The following KLRG1 variants were observed in gnomAD, a reference collection of about 807,000 sequenced individuals.
KLRG1 encodes the protein killer cell lectin-like receptor subfamily G member 1.
In KLRG1, 16 loss-of-function variants were observed where a neutral mutation model predicts 21.8. The ratio of observed to expected loss-of-function variants is 0.73; its 90% CI spans 0.50 to 1.11. The LOEUF (loss-of-function observed/expected upper bound fraction) is 1.11, where lower values mean the gene tolerates loss of function less well. Ranked by LOEUF, KLRG1 falls within the 50% of genes most tolerant of loss-of-function variation. The pLI, the probability that KLRG1 is intolerant of heterozygous loss-of-function variation, is 0.00. For synonymous variants in KLRG1, 69 were observed against 75.9 expected (o/e 0.91, Z 0.47); for missense variants, 173 against 218.3 (o/e 0.79, Z 1.31).
chr12:9,108,301 AT>A, the KLRG1 span, among the ~76,000 whole-genome samples: 13 of 151,476 alleles, frequency 8.6e-5, no homozygotes, highest in African/African-American at 2.4e-4. Flanking sequence ...AATTTTTTGT[AT>A]TTTTTAGTAG....
chr12:9,041,003 G>A, the KLRG1 span, among the ~76,000 whole-genome samples: 1 of 152,200 alleles, frequency 6.6e-6, no homozygotes, highest in Non-Finnish European at 1.5e-5. Context: ...TTCCAAAGAT[G>A]CACATCACTG....
chr12:9,050,173 T>C, the KLRG1 span, among the ~76,000 whole-genome samples: 1 of 152,318 alleles, frequency 6.6e-6, no homozygotes, highest in South Asian at 2.1e-4. Flanking sequence ...GTGCAAAGCA[T>C]TTTGGCTCTC....
the KLRG1 span, chr12:9,104,280 T>C: frequency 1.4e-5 from 22 of 1,613,086 alleles, no homozygotes; most frequent in Admixed American, 3.3e-5. Flanking sequence ...GTGGTGTTGA[T>C]AGAGAACTGT....
chr12:9,049,108 C>T, the KLRG1 span, among the ~76,000 whole-genome samples: 1 of 152,212 alleles, frequency 6.6e-6, no homozygotes, highest in Non-Finnish European at 1.5e-5. Context: ...AGAGAAAGGT[C>T]AGTGAGTCCC....
At chr12:9,024,021 T>A in the KLRG1 span, among the ~76,000 whole-genome samples, 2 of 57,478 alleles carry the variant, frequency 3.5e-5, no homozygotes, top group Non-Finnish European at 3.8e-5. Context: ...CACATGGATT[T>A]TTTTTTTTTT....
At chr12:9,001,152 C>T (rs1382481939) in intron 3 of KLRG1, among the ~76,000 whole-genome samples, 2 of 152,066 alleles carry the variant, frequency 1.3e-5, no homozygotes, top group African/African-American at 4.8e-5. Context: ...TTTACTCAAT[C>T]TTGAGACATG....
the KLRG1 span, among the ~76,000 whole-genome samples, chr12:9,121,552 C>CA: frequency 1.3e-5 from 2 of 151,892 alleles, no homozygotes; most frequent in Non-Finnish European, 2.9e-5. The surrounding 1 kb of genome is among the most constrained non-coding windows in gnomAD (Gnocchi z 4.4). Flanking sequence ...AACAAACAAA[C>CA]AAAAAAACAA....
the KLRG1 span, chr12:9,152,145 A>G: frequency 9.3e-7 from 1 of 1,077,698 alleles, no homozygotes; most frequent in South Asian, 1.3e-5. Flanking sequence ...CATGGTTTTG[A>G]TATTGGTATG....
At chr12:8,962,600 C>T (rs1253896465) in intron 1 of KLRG1, among the ~76,000 whole-genome samples, 3 of 151,554 alleles carry the variant, frequency 2.0e-5, no homozygotes, top group Admixed American at 6.6e-5. Context: ...CCTATAGTCC[C>T]AGCTACTCAG....
the KLRG1 span, chr12:9,110,296 A>G: frequency 4.8e-6 from 7 of 1,464,242 alleles, no homozygotes; most frequent in Non-Finnish European, 6.5e-6. Context: ...TTAATATGGA[A>G]TGTTTCATGT....
chr12:9,075,264 G>T, the KLRG1 span, among the ~76,000 whole-genome samples: 14 of 152,250 alleles, frequency 9.2e-5, no homozygotes, highest in Admixed American at 9.2e-4. Flanking sequence ...TGAAACAATG[G>T]GAACCAATAT....
At chr12:9,017,368 A>G in the KLRG1 span, among the ~76,000 whole-genome samples, 1 of 152,114 alleles carries the variant, frequency 6.6e-6, no homozygotes, top group South Asian at 2.1e-4. Flanking sequence ...ATTTCCTACA[A>G]AATATTGGCA....
rs1473562792 is a variant in KLRG1, at chr12:8,989,813, G to A, written c.82+96G>A. On this transcript the variant is annotated intron_variant, in intron 1 of 4. Coordinates refer to ENST00000356986, the MANE Select transcript of KLRG1 (RefSeq NM_005810.4). ...TAAGTTTAAAGCAGAGGGTGCAGAA[G>A]AATTGAGGATAATTTGAGGAAATAC... 9.7e-6 allele frequency: 7 copies of A among 718,642 alleles called. No individual in the cohort carries two copies. The East Asian group carries it at 1.8e-4, about 19-fold the overall frequency. The allele number at this position is 718,642 out of a possible 1,614,324, so 44.5% of individuals were successfully genotyped here.
the KLRG1 span, among the ~76,000 whole-genome samples, chr12:9,146,640 G>T: frequency 7.1e-6 from 1 of 140,082 alleles, no homozygotes; most frequent in Non-Finnish European, 1.6e-5. Flanking sequence ...GACTAGTCTT[G>T]TATAGGAGAA....
At chr12:9,087,858 T>G in the KLRG1 span, among the ~76,000 whole-genome samples, 4 of 152,080 alleles carry the variant, frequency 2.6e-5, no homozygotes, top group Admixed American at 6.5e-5. Context: ...CTCAGGAATT[T>G]AACATTTTGG....
chr12:9,056,635 T>C, the KLRG1 span, among the ~76,000 whole-genome samples: 1 of 152,018 alleles, frequency 6.6e-6, no homozygotes, highest in Non-Finnish European at 1.5e-5. Context: ...AGCCTCAAAC[T>C]CCTGGGTTCC....
chr12:9,108,372 C>T, the KLRG1 span, among the ~76,000 whole-genome samples: 1 of 152,060 alleles, frequency 6.6e-6, no homozygotes, highest in Non-Finnish European at 1.5e-5. Flanking sequence ...GTGATCTGCC[C>T]ACCTCAGCCT....
At chr12:9,096,855 T>C in the KLRG1 span, among the ~76,000 whole-genome samples, 3 of 152,220 alleles carry the variant, frequency 2.0e-5, no homozygotes, top group African/African-American at 7.2e-5. Flanking sequence ...CATTTTTATC[T>C]TTCCAGTAGC....
chr12:9,201,202 A>G, the KLRG1 span: 1 of 1,341,618 alleles, frequency 7.5e-7, no homozygotes, highest in Non-Finnish European at 1.0e-6. Flanking sequence ...CAACCTGACA[A>G]CTGGGAGTAG....
Sources: allele counts gnomAD v4.1 joint callset (sites outside exome capture counted in the v4.1 genomes callset), GRCh38; gene constraint gnomAD v4.1.1; non-coding constraint Gnocchi (gnomAD v3.1); transcripts MANE v1.5; gene names NCBI Gene and HGNC (gene_info 2026-07-23, HGNC 2026-07-21).